PDE4A: variants seen among roughly 807,000 people sequenced by gnomAD.
PDE4A encodes 3',5'-cyclic-AMP phosphodiesterase 4A.
Under a neutral mutation model 73.9 loss-of-function variants are expected in PDE4A, and 21 were observed. The ratio of observed to expected loss-of-function variants is 0.28; its 90% CI spans 0.20 to 0.41. PDE4A has a LOEUF of 0.41. Among genes scored for constraint, PDE4A ranks in the 10% least tolerant of loss-of-function variants. PDE4A has a pLI of 1.00. For missense variants in PDE4A, 958 were observed against 1,211.4 expected, an observed-to-expected ratio of 0.79 and a Z score of 3.10; for synonymous variants, 463 against 505.4, an observed-to-expected ratio of 0.92 and a Z score of 1.13.
intron 1 of PDE4A, among the ~76,000 whole-genome samples, chr19:10,430,043 T>A: frequency 6.6e-6 from 1 of 151,756 alleles, no homozygotes; most frequent in African/African-American, 2.4e-5. Flanking sequence ...TGTGGGGGAT[T>A]CTGGGGGTAC....
In PDE4A at chr19:10,450,658, T is replaced by G; in HGVS notation, c.670+6T>G. ...CTGCAAGGCCACGCTGTCAGGTAGC[T>G]AAGCCCAGAGGGGTGGGAAGGGGCC... is the stretch of plus-strand genomic sequence containing the variant. On this transcript the variant is annotated splice_donor_region_variant and intron_variant, in intron 5 of 14. Transcript: ENST00000380702. 1 of 1,608,496 alleles carries G rather than the reference T, an allele frequency of 6.2e-7. No individual in the cohort carries two copies.
intron 1 of PDE4A, among the ~76,000 whole-genome samples, chr19:10,421,739 G>T (rs2042654355): frequency 6.6e-6 from 1 of 152,190 alleles, no homozygotes; most frequent in Non-Finnish European, 1.5e-5. Context: ...TGGAGGGGGG[G>T]CGCAGTCCCA....
intron 1 of PDE4A, among the ~76,000 whole-genome samples, chr19:10,426,863 G>A (rs1264456406): frequency 1.3e-5 from 2 of 148,400 alleles, no homozygotes; most frequent in Non-Finnish European, 3.0e-5. Context: ...GCCAGACTCC[G>A]TCTCAAAAAA....
At chr19:10,464,160 C>T (rs1211721054) in intron 14 of PDE4A, 185 bp downstream of exon 14, 11 of 721,334 alleles carry the variant, frequency 1.5e-5, no homozygotes, top group African/African-American at 1.1e-4. Flanking sequence ...TACAATGGCA[C>T]GATCTTGGCT....
chr19:10,460,498 C>CA (rs533923479), intron 10 of PDE4A, among the ~76,000 whole-genome samples: 46 of 149,860 alleles, frequency 3.1e-4, no homozygotes, highest in African/African-American at 9.8e-4. Flanking sequence ...GACTTCATCT[C>CA]AAAAAAAATA....
chr19:10,432,434 C>A, intron 1 of PDE4A: 1 of 1,455,176 alleles, frequency 6.9e-7, no homozygotes, highest in Non-Finnish European at 9.0e-7. Context: ...GCTTGGCTCC[C>A]ATGCGCTCCG....
upstream of PDE4A, chr19:10,420,112 C>T (rs951709930): frequency 1.3e-5 from 2 of 152,358 alleles, no homozygotes; most frequent in African/African-American, 4.8e-5. The surrounding 1 kb of genome is among the most constrained non-coding windows in gnomAD (Gnocchi z 6.0). Context: ...CTGCAGGTAC[C>T]GCGCCGGTGG....
intron 13 of PDE4A, 110 bp downstream of exon 13, chr19:10,462,109 C>T: frequency 1.2e-6 from 1 of 810,446 alleles, no homozygotes; most frequent in Non-Finnish European, 2.0e-6. Context: ...AGTGGCCCAT[C>T]TTCCTGTGTC....
chr19:10,431,047 G>A, intron 1 of PDE4A: 1 of 1,577,166 alleles, frequency 6.3e-7, no homozygotes. Context: ...CTTCTCCGCA[G>A]CTGCCAGGAT....
At chr19:10,452,558 A>T (rs936184292) in intron 6 of PDE4A, among the ~76,000 whole-genome samples, 1 of 151,710 alleles carries the variant, frequency 6.6e-6, no homozygotes, top group African/African-American at 2.4e-5. Flanking sequence ...CATTTGCTAT[A>T]TGCTCAGCTG....
intron 6 of PDE4A, among the ~76,000 whole-genome samples, chr19:10,451,363 T>C (rs2043088540): frequency 6.6e-6 from 1 of 152,020 alleles, no homozygotes; most frequent in Non-Finnish European, 1.5e-5. Flanking sequence ...GTGGGGTGTG[T>C]CTGTCTGGTT....
At chr19:10,459,041 G>T in intron 8 of PDE4A, 1 of 208,778 alleles carries the variant, frequency 4.8e-6, no homozygotes, top group Non-Finnish European at 8.7e-6. Context: ...AAGAGGCTGA[G>T]CTGTGCTGGG....
chr19:10,425,666 C>A (rs577998842), intron 1 of PDE4A, among the ~76,000 whole-genome samples: 6 of 152,172 alleles, frequency 3.9e-5, no homozygotes, highest in African/African-American at 1.4e-4. Flanking sequence ...CATCTGAGCC[C>A]ACTCTTTTCA....
intron 6 of PDE4A, among the ~76,000 whole-genome samples, chr19:10,451,631 G>C (rs1020385030): frequency 6.6e-6 from 1 of 152,080 alleles, no homozygotes; most frequent in Non-Finnish European, 1.5e-5. Flanking sequence ...CTGCAGGGGA[G>C]AGTTGGACCA....
rs775813936 is a variant in PDE4A at position 10,467,228 on chromosome 19, G to C, written c.2268G>C (p.Pro756=). The C allele has an allele frequency of 6.2e-7, 1 of 1,614,068 alleles. No individual in the cohort carries two copies. Among genetic ancestry groups the C allele is most frequent in the African/African-American group, 1.3e-5 (1 of 74,924 alleles). The change falls in exon 15 of 15, where the codon CCG becomes CCC. Residue 756 remains proline (P), a synonymous_variant. Transcript: ENST00000380702. ...LDATIAWEAS[P]AQESLEVMAQ... ...CAACCATAGCCTGGGAGGCATCCCCGGCCCAGGAGTCGTTGGAAGTTATGG... is the reference window on the plus strand; with the variant it reads ...CAACCATAGCCTGGGAGGCATCCCCCGCCCAGGAGTCGTTGGAAGTTATGG...
At chr19:10,438,347 G>A (rs2042893138) in intron 1 of PDE4A, among the ~76,000 whole-genome samples, 1 of 151,940 alleles carries the variant, frequency 6.6e-6, no homozygotes, top group Non-Finnish European at 1.5e-5. Flanking sequence ...TCCTGACCTT[G>A]TGATCCGCCC....
intron 6 of PDE4A, among the ~76,000 whole-genome samples, chr19:10,452,500 G>A (rs1262077494): frequency 1.3e-5 from 2 of 151,994 alleles, no homozygotes; most frequent in African/African-American, 4.8e-5. Flanking sequence ...GGGTCTGGAT[G>A]TGGGTCTGGA....
chr19:10,454,361 T>C (rs565526868), intron 6 of PDE4A, among the ~76,000 whole-genome samples: 15 of 152,338 alleles, frequency 9.8e-5, no homozygotes, highest in South Asian at 4.1e-4. Context: ...CTGGGAACAC[T>C]TGGGTCAGGG....
chr19:10,466,127 C>A (rs1237114230), intron 14 of PDE4A, among the ~76,000 whole-genome samples: 1 of 151,030 alleles, frequency 6.6e-6, no homozygotes, highest in African/African-American at 2.4e-5. Flanking sequence ...CCTCAGCCTC[C>A]CGAGTAGCTG....
Sources: gnomAD v4.1 joint callset for allele counts (sites outside exome capture counted in the v4.1 genomes callset) on GRCh38, gnomAD v4.1.1 for gene constraint, Gnocchi (gnomAD v3.1) non-coding constraint, MANE v1.5 for transcripts, NCBI Gene and HGNC (gene_info 2026-07-23, HGNC 2026-07-21) for gene names.